MYOM2: variants seen among roughly 807,000 people sequenced by gnomAD.
MYOM2 encodes myomesin 2.
MYOM2 carries 254 observed loss-of-function variants against 187.6 expected under a neutral mutation model. The observed-to-expected ratio is 1.35, with a 90% CI of 1.22 to 1.50. The LOEUF (loss-of-function observed/expected upper bound fraction) is 1.50, where lower values mean the gene tolerates loss of function less well. Among genes scored for constraint, MYOM2 ranks in the 40% most tolerant of loss-of-function variants. The pLI is 0.00. For synonymous variants in MYOM2, 981 were observed against 753.8 expected (o/e 1.30, Z -4.94); for missense variants, 2,796 against 1,924.0 (o/e 1.45, Z -8.48).
chr8:2,135,457 G>GT (rs1245057596), intron 32 of MYOM2, among the ~76,000 whole-genome samples: 2 of 151,994 alleles, frequency 1.3e-5, no homozygotes, highest in South Asian at 2.1e-4. Flanking sequence ...CAGTGTGGTT[G>GT]TAAGAGTCTG....
chr8:2,073,473 G>A lies in MYOM2; in HGVS notation c.1093G>A (p.Asp365Asn), dbSNP rs761320107. The change falls in exon 10 of 37, where the codon GAC becomes AAC. Residue 365 changes from aspartate to asparagine, a missense_variant. Physicochemically the swap from Asp to Asn is conservative, Grantham distance 23 (BLOSUM62 1). Coordinates refer to ENST00000262113, the MANE Select transcript of MYOM2 (RefSeq NM_003970.4). ...LRIVSRGGVS[D>N]HSAFLFVRDA... ...CATCGTGTCTCGGGGCGGCGTCAGCGACCACAGCGCCTTCCTGTTTGTCAG... is the reference window on the plus strand; with the variant it reads ...CATCGTGTCTCGGGGCGGCGTCAGCAACCACAGCGCCTTCCTGTTTGTCAG... The A allele has an allele frequency of 1.9e-6, 3 of 1,607,894 alleles. No homozygotes were observed. Among genetic ancestry groups the A allele is most frequent in the Admixed American group, 1.7e-5 (1 of 59,904 alleles).
intron 10 of MYOM2, 122 bp from the exon 11 acceptor site, chr8:2,076,019 G>T (rs181756317): frequency 2.3e-6 from 2 of 872,628 alleles, no homozygotes; most frequent in African/African-American, 1.7e-5. Flanking sequence ...CTTTGAACAT[G>T]AGAATTAAAC....
intron 25 of MYOM2, among the ~76,000 whole-genome samples, chr8:2,111,508 A>G (rs1724289708): frequency 1.3e-5 from 2 of 152,188 alleles, no homozygotes; most frequent in African/African-American, 2.4e-5. Context: ...TTCTCTACTC[A>G]TAGATGTTTG....
chr8:2,123,581 C>T lies in MYOM2; in HGVS notation c.3594C>T (p.Tyr1198=). 6.2e-7 allele frequency: 1 copy of T among 1,614,106 alleles called. No individual in the cohort carries two copies. The highest frequency in any genetic ancestry group is 8.5e-7 in the Non-Finnish European group (1 of 1,179,984). ...TGTCAAAGAAGGACCACGGTGAATA[C>T]AAGGCAACCTTGAAAGATGACAGAG... is the stretch of plus-strand genomic sequence containing the variant. ...PKLSKKDHGE[Y]KATLKDDRGQ... Residue 1198 remains tyrosine, a synonymous_variant, in exon 30 of 37, where the codon TAC becomes TAT. Coordinates refer to ENST00000262113, the MANE Select transcript of MYOM2 (RefSeq NM_003970.4).
chr8:2,092,565 G>A (rs1450299612), intron 16 of MYOM2, 45 bp downstream of exon 16: 1 of 1,598,538 alleles, frequency 6.3e-7, no homozygotes, highest in African/African-American at 1.3e-5. Context: ...TGCAGGAGTA[G>A]CAAGACCGTT....
intron 13 of MYOM2, 68 bp downstream of exon 13, chr8:2,079,681 G>A: frequency 4.0e-6 from 6 of 1,512,464 alleles, no homozygotes; most frequent in Non-Finnish European, 5.5e-6. Flanking sequence ...AGAGATGGGA[G>A]AGATGGACAG....
In MYOM2 at chr8:2,085,399, C is replaced by A. The variant is rs201860715; in HGVS notation, c.1644+9C>A. The A allele has an allele frequency of 6.2e-7, 1 of 1,600,736 alleles. No homozygotes were observed. The highest frequency in any genetic ancestry group is 1.1e-5 in the South Asian group (1 of 90,586). ...TGTACTTCATTGAGAAGGTAAACTC[C>A]GGGCCCGTGTCCTGGAAAAGTAGAT... On this transcript the variant is annotated intron_variant, in intron 14 of 36. Transcript: ENST00000262113.
chr8:2,074,929 G>T (rs906285561), intron 10 of MYOM2, among the ~76,000 whole-genome samples: 1 of 152,170 alleles, frequency 6.6e-6, no homozygotes, highest in South Asian at 2.1e-4. Flanking sequence ...CCGGGTCCCC[G>T]GGCTCCCGGC....
chr8:2,098,340 G>T (rs532677282), intron 18 of MYOM2, among the ~76,000 whole-genome samples: 1 of 152,208 alleles, frequency 6.6e-6, no homozygotes, highest in East Asian at 1.9e-4. Flanking sequence ...CCGGTGGGTG[G>T]CCCCAGACTG....
intron 11 of MYOM2, among the ~76,000 whole-genome samples, chr8:2,077,576 G>A (rs1819475937): frequency 6.6e-6 from 1 of 152,130 alleles, no homozygotes; most frequent in Non-Finnish European, 1.5e-5. Flanking sequence ...TCTGCAGGGA[G>A]TGCTGTTCCG....
At chr8:2,052,909 C>T (rs376644899) in intron 3 of MYOM2, among the ~76,000 whole-genome samples, 6 of 152,214 alleles carry the variant, frequency 3.9e-5, no homozygotes, top group African/African-American at 9.6e-5. Flanking sequence ...AGAGGCAGCT[C>T]GTGGGGTGAA....
intron 11 of MYOM2, among the ~76,000 whole-genome samples, chr8:2,077,357 C>T (rs1263693102): frequency 1.3e-5 from 2 of 151,762 alleles, no homozygotes; most frequent in East Asian, 3.9e-4. Flanking sequence ...ACAAAAAAAC[C>T]ACAAAGGATG....
In MYOM2 at chr8:2,081,151, CCG is replaced by C. The variant is rs1563439678; in HGVS notation, c.1516+1539_1516+1540del. Reference sequence around the variant, plus strand: ...CTGCGGGAGGAACAGGCAGCCCAGCCCGTGTAGAATGAGGTTTGGTTCTGGCC... The same window carrying C: ...CTGCGGGAGGAACAGGCAGCCCAGCCTGTAGAATGAGGTTTGGTTCTGGCC... On this transcript the variant is annotated intron_variant, in intron 13 of 36. Coordinates refer to ENST00000262113, the MANE Select transcript of MYOM2 (RefSeq NM_003970.4). Among the ~76,000 whole-genome samples, 3 of 118,444 alleles carry C rather than the reference CCG, an allele frequency of 2.5e-5. No homozygotes were observed. The East Asian group carries it at 7.7e-4, about 30-fold the overall frequency. 77.7% of individuals were successfully genotyped at this position (118,444 alleles called of 152,430 possible). A position where few individuals can be genotyped will look rare whatever the true frequency, so the allele number is the denominator to read the frequency against.
chr8:2,142,446 G>A, intron 35 of MYOM2, 49 bp downstream of exon 35: 1 of 1,596,138 alleles, frequency 6.3e-7, no homozygotes, highest in South Asian at 1.1e-5. Context: ...TTTGGGGTGG[G>A]GCAAAAGTGT....
intron 2 of MYOM2, 48 bp from the exon 3 acceptor site, chr8:2,052,110 A>C (rs754368510): frequency 1.9e-6 from 3 of 1,606,934 alleles, no homozygotes; most frequent in South Asian, 1.1e-5. Context: ...ATAAATTTCC[A>C]TACTGTGCCT....
intron 10 of MYOM2, among the ~76,000 whole-genome samples, chr8:2,075,608 G>A (rs928514189): frequency 6.6e-6 from 1 of 152,206 alleles, no homozygotes; most frequent in African/African-American, 2.4e-5. Context: ...ATGTTGCTCT[G>A]TTGGTTTTCA....
At chr8:2,120,081 T>C (rs1171660561) in intron 28 of MYOM2, among the ~76,000 whole-genome samples, 1 of 152,100 alleles carries the variant, frequency 6.6e-6, no homozygotes, top group African/African-American at 2.4e-5. Flanking sequence ...ATGGAAATCA[T>C]TGTTGAGTGC....
chr8:2,084,041 C>G (rs1819724800), intron 13 of MYOM2, among the ~76,000 whole-genome samples: 1 of 152,248 alleles, frequency 6.6e-6, no homozygotes, highest in African/African-American at 2.4e-5. Context: ...GTTTGCTTCC[C>G]TCATCAGCAC....
chr8:2,072,653 A>G, intron 9 of MYOM2, 144 bp downstream of exon 9: 1 of 1,072,346 alleles, frequency 9.3e-7, no homozygotes, highest in Non-Finnish European at 1.3e-6. Context: ...ACTGTAGAGG[A>G]CTTGGTGGCC....
Sources: allele counts gnomAD v4.1 joint callset (sites outside exome capture counted in the v4.1 genomes callset), GRCh38; gene constraint gnomAD v4.1.1; transcripts MANE v1.5; gene names NCBI Gene and HGNC (gene_info 2026-07-23, HGNC 2026-07-21).